SORCS1: variants seen among roughly 807,000 people sequenced by gnomAD.
The protein encoded by SORCS1 is sortilin related VPS10 domain containing receptor 1.
In SORCS1, 60 loss-of-function variants were observed where a neutral mutation model predicts 146.1. That is an observed-to-expected ratio of 0.41 (90% confidence interval 0.33 to 0.51). The LOEUF is 0.51. Ranked by LOEUF, SORCS1 falls within the 20% of genes least tolerant of loss-of-function variation. The probability of loss-of-function intolerance (pLI) is 0.21; values close to 1 mark genes in which losing one functional copy is unlikely to be tolerated. For synonymous variants in SORCS1, 637 were observed against 584.0 expected, an observed-to-expected ratio of 1.09 and a Z score of -1.31; for missense variants, 1,352 against 1,487.6, an observed-to-expected ratio of 0.91 and a Z score of 1.50.
chr10:106,660,622 T>C (rs544098004), intron 17 of SORCS1, among the ~76,000 whole-genome samples: 1 of 152,308 alleles, frequency 6.6e-6, no homozygotes, highest in East Asian at 1.9e-4. Flanking sequence ...TAACTTAAAC[T>C]TTTTAAAAAT....
intron 1 of SORCS1, among the ~76,000 whole-genome samples, chr10:107,123,654 T>A (rs1030211895): frequency 6.6e-6 from 1 of 152,226 alleles, no homozygotes; most frequent in Non-Finnish European, 1.5e-5. Context: ...ACCTACAGGA[T>A]ACAGCTTAGT....
At chr10:106,842,141 CA>C (rs1397892409) in intron 2 of SORCS1, among the ~76,000 whole-genome samples, 1 of 152,100 alleles carries the variant, frequency 6.6e-6, no homozygotes, top group Non-Finnish European at 1.5e-5. Flanking sequence ...AGCAGCGTAT[CA>C]TTTTTTTTAT....
At chr10:106,890,859 G>A (rs1337249060) in intron 2 of SORCS1, among the ~76,000 whole-genome samples, 1 of 151,512 alleles carries the variant, frequency 6.6e-6, no homozygotes, top group African/African-American at 2.4e-5. Flanking sequence ...AAAAGCTTGA[G>A]ACCACATCTC....
At chr10:107,069,540 T>C (rs912483039) in intron 1 of SORCS1, among the ~76,000 whole-genome samples, 1 of 151,994 alleles carries the variant, frequency 6.6e-6, no homozygotes, top group African/African-American at 2.4e-5. Flanking sequence ...CACGCCTGGC[T>C]AATTTTTGTA....
At chr10:107,030,551 T>C (rs923785812) in intron 1 of SORCS1, among the ~76,000 whole-genome samples, 7 of 152,192 alleles carry the variant, frequency 4.6e-5, no homozygotes, top group African/African-American at 1.4e-4. Flanking sequence ...ATAAGAGGTT[T>C]TAAAGCTGAA....
In SORCS1 at chr10:106,966,664, C is replaced by A. The variant is rs577746371; in HGVS notation, c.559-10084G>T. Among the ~76,000 whole-genome samples, 7 of 152,310 alleles carry A rather than the reference C, an allele frequency of 4.6e-5. No homozygotes were observed. The East Asian group carries it at 1.4e-3, about 29-fold the overall frequency. ...ACAGCAAATTGTAGCACATGGAGAG[C>A]CCTCGTGAAGAGCAAAAAACTTTTT... On this transcript the variant is annotated intron_variant, in intron 1 of 25. Transcript: ENST00000263054.
At chr10:107,135,493 T>C (rs534824494) in intron 1 of SORCS1, among the ~76,000 whole-genome samples, 94 of 152,292 alleles carry the variant, frequency 6.2e-4, no homozygotes, top group African/African-American at 2.1e-3. Context: ...TTTAATTGTA[T>C]CAAATAAACA....
At chr10:107,148,703 G>T (rs188250584) in intron 1 of SORCS1, among the ~76,000 whole-genome samples, 220 of 152,288 alleles carry the variant, frequency 1.4e-3, no homozygotes, top group Non-Finnish European at 2.7e-3. Flanking sequence ...TATAAAGTTG[G>T]TGAGCTTTTA....
upstream of SORCS1, among the ~76,000 whole-genome samples, chr10:107,166,775 A>G (rs1401712948): frequency 6.6e-6 from 1 of 152,240 alleles, no homozygotes; most frequent in African/African-American, 2.4e-5. Flanking sequence ...AGAAAGGAAA[A>G]GCAGATTAAA....
intron 24 of SORCS1, among the ~76,000 whole-genome samples, chr10:106,592,677 C>A (rs1329315040): frequency 1.3e-5 from 2 of 149,326 alleles, no homozygotes; most frequent in Admixed American, 6.6e-5. Context: ...TTTTTTTTTT[C>A]TTTTAATTTT....
intron 1 of SORCS1, among the ~76,000 whole-genome samples, chr10:107,067,296 CTTTTT>C (rs145060045): frequency 6.8e-6 from 1 of 146,294 alleles, no homozygotes; most frequent in African/African-American, 2.5e-5. Flanking sequence ...TTCAACTTAA[CTTTTT>C]TTTTTTTTTT....
At chr10:106,967,732 G>A (rs1028703099) in intron 1 of SORCS1, among the ~76,000 whole-genome samples, 1 of 152,120 alleles carries the variant, frequency 6.6e-6, no homozygotes, top group Non-Finnish European at 1.5e-5. Context: ...CCCCTCCAGT[G>A]CTTAGAAGGG....
intron 10 of SORCS1, 49 bp from the exon 11 acceptor site, chr10:106,679,783 C>A: frequency 2.1e-6 from 3 of 1,402,622 alleles, no homozygotes; most frequent in South Asian, 2.5e-5. Flanking sequence ...TCAAAATGGT[C>A]ATTTGAAGCT....
intron 1 of SORCS1, among the ~76,000 whole-genome samples, chr10:107,027,435 GT>G (rs773669065): frequency 2.8e-4 from 42 of 152,226 alleles, no homozygotes; most frequent in Middle Eastern, 3.4e-3. Flanking sequence ...TCAGCCAGGA[GT>G]TTTTAGCTGC....
intron 24 of SORCS1, among the ~76,000 whole-genome samples, chr10:106,585,988 T>C (rs1017172289): frequency 2.0e-5 from 3 of 152,188 alleles, no homozygotes; most frequent in African/African-American, 7.2e-5. Context: ...GACAAGTGAA[T>C]GTAGATAAGA....
intron 2 of SORCS1, among the ~76,000 whole-genome samples, chr10:106,844,327 C>T (rs1160173840): frequency 2.0e-5 from 3 of 151,816 alleles, no homozygotes; most frequent in Non-Finnish European, 4.4e-5. Flanking sequence ...AATATATTCC[C>T]ACATTTTGCT....
intron 19 of SORCS1, among the ~76,000 whole-genome samples, chr10:106,626,138 C>T (rs995472122): frequency 6.6e-6 from 1 of 151,942 alleles, no homozygotes; most frequent in Admixed American, 6.6e-5. Flanking sequence ...CTTTTCTGCA[C>T]TGGAGAGTGG....
chr10:107,160,786 T>C (rs559743031), intron 1 of SORCS1, among the ~76,000 whole-genome samples: 5 of 152,336 alleles, frequency 3.3e-5, no homozygotes, highest in African/African-American at 1.2e-4. Flanking sequence ...TAAAGATTAA[T>C]GCTACAGCAC....
At chr10:106,968,312 A>G (rs963987344) in intron 1 of SORCS1, among the ~76,000 whole-genome samples, 1 of 152,228 alleles carries the variant, frequency 6.6e-6, no homozygotes, top group Non-Finnish European at 1.5e-5. Context: ...TTCTCTTCCA[A>G]CTTCCCTGAT....
Sources: allele counts gnomAD v4.1 joint callset (sites outside exome capture counted in the v4.1 genomes callset), GRCh38; gene constraint gnomAD v4.1.1; transcripts MANE v1.5; gene names NCBI Gene and HGNC (gene_info 2026-07-23, HGNC 2026-07-21).